Variants in TTC28 observed in about 807,000 individuals in gnomAD.
The protein encoded by TTC28 is tetratricopeptide repeat domain 28.
A neutral mutation model predicts 198.0 loss-of-function variants in TTC28; 61 were observed. That is an observed-to-expected ratio of 0.31 (90% CI 0.25 to 0.38). TTC28 has a LOEUF of 0.38. Among genes scored for constraint, TTC28 ranks in the 10% least tolerant of loss-of-function variants. The pLI is 1.00. For missense variants in TTC28, 2,678 were observed against 3,164.0 expected, an observed-to-expected ratio of 0.85 and a Z score of 3.69; for synonymous variants, 1,171 against 1,297.8, an observed-to-expected ratio of 0.90 and a Z score of 2.10.
At chr22:28,446,906 A>C (rs1227696468) in intron 2 of TTC28, among the ~76,000 whole-genome samples, 2 of 152,220 alleles carry the variant, frequency 1.3e-5, no homozygotes, top group Admixed American at 6.5e-5. Flanking sequence ...GCAATCTAAT[A>C]TATAACAAAA....
At chr22:28,466,011 T>G (rs1568961488) in intron 2 of TTC28, among the ~76,000 whole-genome samples, 1 of 152,230 alleles carries the variant, frequency 6.6e-6, no homozygotes, top group African/African-American at 2.4e-5. Flanking sequence ...ATTTTATTCC[T>G]CTATACTAGC....
At chr22:28,208,214 T>G (rs1329117969) in intron 5 of TTC28, among the ~76,000 whole-genome samples, 2 of 152,102 alleles carry the variant, frequency 1.3e-5, no homozygotes, top group African/African-American at 4.8e-5. Context: ...AAACCCTAAT[T>G]TCGTAATGAC....
chr22:28,444,399 A>T (rs1449188934), intron 2 of TTC28, among the ~76,000 whole-genome samples: 2 of 152,236 alleles, frequency 1.3e-5, no homozygotes, highest in Non-Finnish European at 2.9e-5. Context: ...TAAGTAAGTC[A>T]TTAAAACACC....
At chr22:28,063,989 A>C (rs1940654368) in intron 12 of TTC28, among the ~76,000 whole-genome samples, 1 of 152,170 alleles carries the variant, frequency 6.6e-6, no homozygotes, top group African/African-American at 2.4e-5. Flanking sequence ...TTGTATCTGC[A>C]GAGCATTTGT....
At chr22:28,190,182 A>G (rs1924604540) in intron 5 of TTC28, among the ~76,000 whole-genome samples, 1 of 152,204 alleles carries the variant, frequency 6.6e-6, no homozygotes, top group African/African-American at 2.4e-5. Context: ...CATTCTAATA[A>G]CTTCTTAAAA....
intron 1 of TTC28, among the ~76,000 whole-genome samples, chr22:28,644,589 C>A (rs1013301359): frequency 6.6e-6 from 1 of 151,972 alleles, no homozygotes; most frequent in African/African-American, 2.4e-5. Context: ...CTTCAGGAGG[C>A]CAAGACGGGC....
At chr22:28,540,428 T>C (rs2049388494) in intron 2 of TTC28, among the ~76,000 whole-genome samples, 1 of 152,182 alleles carries the variant, frequency 6.6e-6, no homozygotes, top group Non-Finnish European at 1.5e-5. Flanking sequence ...AAAATCTATA[T>C]ATTCAGTGTG....
intron 2 of TTC28, among the ~76,000 whole-genome samples, chr22:28,482,498 G>A (rs1057319090): frequency 7.9e-5 from 12 of 151,730 alleles, no homozygotes; most frequent in Non-Finnish European, 1.6e-4. Context: ...ATGAGCCACC[G>A]CGCCCGGCCA....
intron 5 of TTC28, among the ~76,000 whole-genome samples, chr22:28,219,093 G>T (rs1927639017): frequency 6.6e-6 from 1 of 152,102 alleles, no homozygotes; most frequent in South Asian, 2.1e-4. Context: ...GTCATGGAAA[G>T]ACATTTTTGA....
chr22:28,161,427 T>G (rs949692326), intron 6 of TTC28, among the ~76,000 whole-genome samples: 2 of 152,098 alleles, frequency 1.3e-5, no homozygotes, highest in African/African-American at 4.8e-5. Context: ...ATGGGCAGGT[T>G]GCTTGAGCCC....
At chr22:28,081,591 C>T (rs1480826663) in intron 12 of TTC28, among the ~76,000 whole-genome samples, 1 of 151,138 alleles carries the variant, frequency 6.6e-6, no homozygotes, top group Non-Finnish European at 1.5e-5. Flanking sequence ...CTCCTGGGTT[C>T]AAGTGATTCT....
intron 2 of TTC28, among the ~76,000 whole-genome samples, chr22:28,553,783 C>T (rs531008495): frequency 1.1e-3 from 170 of 151,940 alleles, no homozygotes; most frequent in Non-Finnish European, 2.1e-3. Context: ...CCAGCCACCC[C>T]GTCCGGGAGG....
chr22:28,619,731 C>A (rs550094233), intron 2 of TTC28, among the ~76,000 whole-genome samples: 1 of 152,242 alleles, frequency 6.6e-6, no homozygotes, highest in East Asian at 1.9e-4. Flanking sequence ...GTTTGAGGCA[C>A]TACGAAGAAT....
chr22:28,078,289 A>G (rs1941231747), intron 12 of TTC28, among the ~76,000 whole-genome samples: 1 of 152,192 alleles, frequency 6.6e-6, no homozygotes, highest in South Asian at 2.1e-4. Flanking sequence ...CTCCCAAGGC[A>G]TAGAGACTCA....
intron 2 of TTC28, among the ~76,000 whole-genome samples, chr22:28,620,529 A>G (rs1435461802): frequency 1.3e-5 from 2 of 152,228 alleles, no homozygotes; most frequent in African/African-American, 4.8e-5. Flanking sequence ...ATTTTAAACA[A>G]GTGGGATAGA....
intron 5 of TTC28, among the ~76,000 whole-genome samples, chr22:28,205,838 T>C (rs1019333421): frequency 3.9e-5 from 6 of 151,930 alleles, no homozygotes; most frequent in African/African-American, 1.5e-4. Context: ...ATAGAAATAA[T>C]ACCCTGGAAG....
rs191498087 is a variant in TTC28, at chr22:28,654,575, G to A, written c.103-24745C>T. Among the ~76,000 whole-genome samples, 718 of 152,218 alleles carry A rather than the reference G, an allele frequency of 4.7e-3. 2 individuals are homozygous for A. Among genetic ancestry groups the A allele is most frequent in the African/African-American group, 0.016 (681 of 41,528 alleles). On this transcript the variant is annotated intron_variant, in intron 1 of 22. Coordinates refer to ENST00000397906, the MANE Select transcript of TTC28 (RefSeq NM_001145418.2). ...ACTCCTGATCTCAGGTAATCCACCC[G>A]CCTCGGCCTCCCAAAGTGCTGGGAT... is the stretch of plus-strand genomic sequence containing the variant.
chr22:28,201,725 T>C (rs375091670), intron 5 of TTC28, among the ~76,000 whole-genome samples: 6 of 146,556 alleles, frequency 4.1e-5, no homozygotes, highest in African/African-American at 1.5e-4. Context: ...CTAATTTGGG[T>C]TTGTGAAAGA....
rs957610743 is a variant in TTC28 at position 28,649,420 on chromosome 22, A to C, written c.103-19590T>G. ...TTAAATAAATTAAAAATATAAAATGATCCAGTTCCCAGTTTATAGTTTTTA... is the reference window on the plus strand; with the variant it reads ...TTAAATAAATTAAAAATATAAAATGCTCCAGTTCCCAGTTTATAGTTTTTA... On this transcript the variant is annotated intron_variant, in intron 1 of 22. Transcript: ENST00000397906. Among the ~76,000 whole-genome samples, 11 of 152,162 alleles carry C rather than the reference A, an allele frequency of 7.2e-5. No individual in the cohort carries two copies. In the East Asian group the frequency reaches 2.1e-3, roughly 29 times the overall value.
Sources: allele counts gnomAD v4.1 joint callset (sites outside exome capture counted in the v4.1 genomes callset), GRCh38; gene constraint gnomAD v4.1.1; transcripts MANE v1.5; gene names NCBI Gene and HGNC (gene_info 2026-07-23, HGNC 2026-07-21).